ASTN2: variants seen among roughly 807,000 people sequenced by gnomAD.
The protein encoded by ASTN2 is astrotactin 2.
In ASTN2, 54 loss-of-function variants were observed where a neutral mutation model predicts 139.8. The observed-to-expected ratio is 0.39, with a 90% CI of 0.31 to 0.48. The LOEUF (loss-of-function observed/expected upper bound fraction) is 0.48, where lower values mean the gene tolerates loss of function less well. Among genes scored for constraint, ASTN2 ranks in the 20% least tolerant of loss-of-function variants. The pLI is 0.95. For missense variants in ASTN2, 1,565 were observed against 1,725.1 expected, an observed-to-expected ratio of 0.91 and a Z score of 1.64; for synonymous variants, 756 against 719.5, an observed-to-expected ratio of 1.05 and a Z score of -0.81.
intron 15 of ASTN2, 92 bp downstream of exon 15, chr9:116,728,900 A>C: frequency 9.9e-7 from 1 of 1,015,188 alleles, no homozygotes; most frequent in Non-Finnish European, 1.5e-6. Flanking sequence ...CAGCATCCCC[A>C]GTGCTCTCAT....
intron 3 of ASTN2, among the ~76,000 whole-genome samples, chr9:117,203,695 A>G (rs1362908335): frequency 6.6e-6 from 1 of 152,124 alleles, no homozygotes; most frequent in Non-Finnish European, 1.5e-5. Context: ...ATGTCACTCA[A>G]GGAGTCTGGA....
chr9:116,984,381 T>C (rs551313641), intron 7 of ASTN2, among the ~76,000 whole-genome samples: 1 of 152,336 alleles, frequency 6.6e-6, no homozygotes, highest in Admixed American at 6.5e-5. Flanking sequence ...CATATCCCAG[T>C]CAAAGCCTTT....
At chr9:117,183,452 C>T (rs1831123924) in intron 3 of ASTN2, among the ~76,000 whole-genome samples, 1 of 152,168 alleles carries the variant, frequency 6.6e-6, no homozygotes, top group South Asian at 2.1e-4. Context: ...ATGTATTAAT[C>T]ATTTAGTCTT....
At chr9:117,053,825 G>A (rs189937185) in intron 5 of ASTN2, among the ~76,000 whole-genome samples, 1 of 152,170 alleles carries the variant, frequency 6.6e-6, no homozygotes, top group Admixed American at 6.5e-5. Flanking sequence ...ACCACCTGGA[G>A]ATTTTATTAG....
At chr9:116,966,099 C>T (rs1299642472) in intron 10 of ASTN2, among the ~76,000 whole-genome samples, 2 of 152,142 alleles carry the variant, frequency 1.3e-5, no homozygotes, top group African/African-American at 4.8e-5. Flanking sequence ...TTTCATGTGT[C>T]TCTCTCTTTC....
At chr9:117,349,703 A>AT (rs1171951009) in intron 1 of ASTN2, among the ~76,000 whole-genome samples, 2 of 152,166 alleles carry the variant, frequency 1.3e-5, no homozygotes, top group Non-Finnish European at 2.9e-5. Flanking sequence ...GGGAAAAATA[A>AT]TTGTCTTGCA....
intron 7 of ASTN2, 95 bp downstream of exon 7, chr9:117,007,997 T>C: frequency 7.4e-7 from 1 of 1,359,072 alleles, no homozygotes; most frequent in Admixed American, 2.7e-5. Context: ...TGTCAATGGC[T>C]CAGAATCCAT....
chr9:116,912,271 T>C (rs1368978831), intron 10 of ASTN2, among the ~76,000 whole-genome samples: 1 of 152,260 alleles, frequency 6.6e-6, no homozygotes, highest in Non-Finnish European at 1.5e-5. Context: ...CCACTTTCTG[T>C]CTCAAACTTT....
rs184371228 is a variant in ASTN2, at chr9:116,452,835, T to A, written c.3498-10282A>T. ...AAGTTTATTAGGAGGATGAACTCCA[T>A]GTTCCCAACTTTTGACAAGGAAGAG... On this transcript the variant is annotated intron_variant, in intron 20 of 22. Coordinates refer to ENST00000313400, the MANE Select transcript of ASTN2 (RefSeq NM_001365068.1). Among the ~76,000 whole-genome samples the A allele has an allele frequency of 2.0e-5, 3 of 152,330 alleles. No individual in the cohort carries two copies. The East Asian group carries it at 5.8e-4, about 29-fold the overall frequency.
chr9:116,879,332 T>A (rs1833387721), intron 10 of ASTN2, among the ~76,000 whole-genome samples: 1 of 141,114 alleles, frequency 7.1e-6, no homozygotes, highest in Non-Finnish European at 1.5e-5. Flanking sequence ...AATGCAAGAC[T>A]GGAGAGAGAC....
intron 10 of ASTN2, among the ~76,000 whole-genome samples, chr9:116,866,659 C>G (rs1476446451): frequency 6.6e-6 from 1 of 151,986 alleles, no homozygotes; most frequent in African/African-American, 2.4e-5. Context: ...GTAATCCCAG[C>G]ACTTTGGGAG....
intron 7 of ASTN2, among the ~76,000 whole-genome samples, chr9:116,980,967 C>T (rs1336918572): frequency 1.3e-5 from 2 of 152,100 alleles, no homozygotes; most frequent in East Asian, 3.9e-4. Context: ...CTGTGAACTC[C>T]TGTATAGGGA....
chr9:116,914,579 A>AT (rs202193054), intron 10 of ASTN2, among the ~76,000 whole-genome samples: 3,895 of 140,272 alleles, frequency 0.028, 179 homozygotes, highest in African/African-American at 0.099. Context: ...TTATTTATAT[A>AT]TATTTTTTTT....
At chr9:116,710,463 G>A (rs1588230843) in intron 16 of ASTN2, among the ~76,000 whole-genome samples, 1 of 150,802 alleles carries the variant, frequency 6.6e-6, no homozygotes, top group East Asian at 2.0e-4. Context: ...GGTGCAGTGA[G>A]CTCACGCCTG....
In ASTN2 at chr9:116,809,047, C is replaced by T. The variant is rs143319552; in HGVS notation, c.2208-3227G>A. The stretch of plus-strand genomic sequence containing the variant: ...CAATATTTTCTGGGTAGTTATCCTT[C>T]ACCTTCCATATATATTAAAATTTTT... On this transcript the variant is annotated intron_variant, in intron 12 of 22. Transcript: ENST00000313400. Among the ~76,000 whole-genome samples, 42 of 152,126 alleles carry T rather than the reference C, an allele frequency of 2.8e-4. 2 individuals carry two copies. In the East Asian group the frequency reaches 7.2e-3, roughly 26 times the overall value.
chr9:117,258,340 A>G (rs1833740893), intron 2 of ASTN2, among the ~76,000 whole-genome samples: 1 of 152,104 alleles, frequency 6.6e-6, no homozygotes, highest in Non-Finnish European at 1.5e-5. Flanking sequence ...CCCCATTTCA[A>G]TTTAATGTTG....
chr9:116,984,624 G>A (rs1227014023), intron 7 of ASTN2, among the ~76,000 whole-genome samples: 1 of 152,218 alleles, frequency 6.6e-6, no homozygotes, highest in Non-Finnish European at 1.5e-5. Flanking sequence ...CAATGAAGGA[G>A]AGACTAAAGT....
chr9:116,944,794 A>G (rs1296941264), intron 10 of ASTN2, among the ~76,000 whole-genome samples: 4 of 152,082 alleles, frequency 2.6e-5, no homozygotes, highest in African/African-American at 7.2e-5. Flanking sequence ...ATAGGGGGCA[A>G]TGCTGGTTGG....
At chr9:116,782,784 T>C (rs914739684) in intron 13 of ASTN2, among the ~76,000 whole-genome samples, 5 of 150,350 alleles carry the variant, frequency 3.3e-5, no homozygotes, top group African/African-American at 1.3e-4. Context: ...CTCTTTTTCT[T>C]CACCTAACAA....
Sources: allele counts gnomAD v4.1 joint callset (sites outside exome capture counted in the v4.1 genomes callset), GRCh38; gene constraint gnomAD v4.1.1; transcripts MANE v1.5; gene names NCBI Gene and HGNC (gene_info 2026-07-23, HGNC 2026-07-21).